The following SSR2 variants were observed in gnomAD, a reference collection of about 807,000 sequenced individuals.
SSR2 encodes the protein signal sequence receptor subunit 2.
Under a neutral mutation model 22.6 loss-of-function variants are expected in SSR2, and 16 were observed. That is an observed-to-expected ratio of 0.71 (90% CI 0.48 to 1.08). SSR2 has a LOEUF of 1.08. SSR2 is among the 50% of genes least tolerant of loss of function. The probability of loss-of-function intolerance (pLI) is 0.00; values close to 1 mark genes in which losing one functional copy is unlikely to be tolerated. For missense variants in SSR2, 171 were observed against 221.6 expected, an observed-to-expected ratio of 0.77 and a Z score of 1.45; for synonymous variants, 83 against 91.2, an observed-to-expected ratio of 0.91 and a Z score of 0.51.
intron 4 of SSR2, 105 bp downstream of exon 4, chr1:156,014,856 T>C: frequency 1.1e-6 from 1 of 905,438 alleles, no homozygotes; most frequent in South Asian, 1.5e-5. Flanking sequence ...TGTATTTTGG[T>C]ATCTATTAAT....
At chr1:156,018,611 G>A (rs925870871) in intron 2 of SSR2, among the ~76,000 whole-genome samples, 1 of 151,926 alleles carries the variant, frequency 6.6e-6, no homozygotes, top group Non-Finnish European at 1.5e-5. Flanking sequence ...GGGAGGCTGA[G>A]GCAGGAGAAC....
intron 3 of SSR2, among the ~76,000 whole-genome samples, chr1:156,017,746 T>G (rs1288694012): frequency 1.8e-5 from 2 of 113,420 alleles, no homozygotes; most frequent in African/African-American, 6.6e-5. Context: ...CAGGTTTTTT[T>G]TTTTTTTTTT....
At position 156,009,243 on chromosome 1, in the gene SSR2, G is replaced by A. The variant is rs576804267; in HGVS notation, c.*297C>T. The A allele has an allele frequency of 1.3e-5, 4 of 306,264 alleles. No homozygotes were observed. The highest frequency in any genetic ancestry group is 4.5e-5 in the African/African-American group (2 of 44,436). The allele number at this position is 306,264 out of a possible 1,614,324, so 19.0% of individuals were successfully genotyped here. ...CTCCTAGACCCCTGAGAGAATTCACGTTGCCAGCAATAAACCAACAGCACC... is the reference window on the plus strand; with the variant it reads ...CTCCTAGACCCCTGAGAGAATTCACATTGCCAGCAATAAACCAACAGCACC... On this transcript the variant is annotated 3_prime_UTR_variant, in exon 6 of 6. Transcript: ENST00000295702.
At chr1:156,015,275 G>A (rs1683034752) in intron 3 of SSR2, among the ~76,000 whole-genome samples, 1 of 151,828 alleles carries the variant, frequency 6.6e-6, no homozygotes, top group Non-Finnish European at 1.5e-5. Context: ...GGAGGCCGAG[G>A]CGGGTGGATT....
At chr1:156,010,686 G>C (rs192730302) in intron 5 of SSR2, 3 of 152,374 alleles carry the variant, frequency 2.0e-5, no homozygotes, top group African/African-American at 7.2e-5. Flanking sequence ...TGAGAATGGA[G>C]ATGCCCTGGT....
chr1:156,011,613 G>A (rs951597312), intron 5 of SSR2, 197 bp downstream of exon 5: 6 of 456,422 alleles, frequency 1.3e-5, no homozygotes, highest in African/African-American at 9.7e-5. Flanking sequence ...TATGGTTTTG[G>A]CAATTGTGAT....
chr1:156,016,121 A>AGACAAGAGC (rs1482197238), intron 3 of SSR2, among the ~76,000 whole-genome samples: 1 of 152,206 alleles, frequency 6.6e-6, no homozygotes, highest in African/African-American at 2.4e-5. Context: ...ATTGCACTCA[A>AGACAAGAGC]GACAAGAGCG....
chr1:156,014,854 G>T, intron 4 of SSR2, 107 bp downstream of exon 4: 2 of 892,322 alleles, frequency 2.2e-6, no homozygotes, highest in Non-Finnish European at 3.6e-6. Flanking sequence ...ACTGTATTTT[G>T]GTATCTATTA....
rs1682951579 is a variant in SSR2, at chr1:156,009,562, G to A, written c.530C>T (p.Thr177Ile). The A allele has an allele frequency of 3.7e-6, 6 of 1,613,312 alleles. No homozygotes were observed. Among genetic ancestry groups the A allele is most frequent in the Non-Finnish European group, 4.2e-6 (5 of 1,179,704 alleles). ...LWYSSKRKYDTPKTKKN is the reference protein window; with the variant it reads ...LWYSSKRKYDIPKTKKN ...CAATCAGTTCTTCTTCGTTTTGGGAGTGTCATATTTCCTCTTGCTGGAGTA... is the reference window on the plus strand; with the variant it reads ...CAATCAGTTCTTCTTCGTTTTGGGAATGTCATATTTCCTCTTGCTGGAGTA... The change falls in exon 6 of 6, where the codon ACT becomes ATT. Residue 177 changes from threonine to isoleucine, a missense_variant. Transcript: ENST00000295702.
At chr1:156,011,424 C>T (rs1346477904) in intron 5 of SSR2, 1 of 161,022 alleles carries the variant, frequency 6.2e-6, no homozygotes, top group Non-Finnish European at 1.4e-5. Flanking sequence ...TTCAGTACTT[C>T]AGGCTCATCT....
At chr1:156,016,716 T>A (rs905594287) in intron 3 of SSR2, among the ~76,000 whole-genome samples, 1 of 152,298 alleles carries the variant, frequency 6.6e-6, no homozygotes, top group East Asian at 1.9e-4. Context: ...TCATGTGGAA[T>A]TGTAATCCCC....
intron 3 of SSR2, among the ~76,000 whole-genome samples, chr1:156,016,774 G>C (rs1683064561): frequency 1.3e-5 from 2 of 152,234 alleles, no homozygotes; most frequent in East Asian, 1.9e-4. Flanking sequence ...CATGGGGGCA[G>C]ATTTCTCCCT....
intron 2 of SSR2, chr1:156,019,191 G>C (rs893494620): frequency 1.8e-5 from 8 of 440,356 alleles, no homozygotes; most frequent in Non-Finnish European, 3.7e-5. Flanking sequence ...TTGCTCAGAA[G>C]CACCAAAATA....
intron 3 of SSR2, among the ~76,000 whole-genome samples, chr1:156,017,854 G>A (rs1683082698): frequency 7.3e-6 from 1 of 137,228 alleles, no homozygotes; most frequent in South Asian, 2.5e-4. Flanking sequence ...GGGTTCAAGT[G>A]ATTCTCCTGC....
At chr1:156,016,897 T>G (rs575914875) in intron 3 of SSR2, among the ~76,000 whole-genome samples, 1 of 152,316 alleles carries the variant, frequency 6.6e-6, no homozygotes, top group South Asian at 2.1e-4. Flanking sequence ...ATTTTCCCTT[T>G]GCCTTCTACC....
chr1:156,016,497 A>C (rs984441966), intron 3 of SSR2, among the ~76,000 whole-genome samples: 3 of 152,044 alleles, frequency 2.0e-5, no homozygotes, highest in Admixed American at 2.0e-4. Flanking sequence ...CGGCCTCCCA[A>C]AGTGCTGGGA....
intron 5 of SSR2, chr1:156,011,467 A>T (rs1001527171): frequency 5.8e-6 from 1 of 173,874 alleles, no homozygotes; most frequent in Non-Finnish European, 1.2e-5. Context: ...AGACCACAGT[A>T]AAGTTCCCAC....
Position 156,009,543 on chromosome 1 carries a change from G to C in SSR2, c.549C>G (p.Asn183Lys). 1 of 1,611,200 alleles carries C rather than the reference G, an allele frequency of 6.2e-7. No individual in the cohort carries two copies. Among genetic ancestry groups the C allele is most frequent in the Non-Finnish European group, 8.5e-7 (1 of 1,178,004 alleles). ...RKYDTPKTKK[N>K] ...AGGAGGGCTGTGGAAGCCCCAATCA[G>C]TTCTTCTTCGTTTTGGGAGTGTCAT... The change falls in exon 6 of 6, where the codon AAC (asparagine) becomes AAG (lysine). Residue 183 changes from asparagine (N) to lysine (K), a missense_variant. By Grantham distance (94) the Asn-to-Lys change is moderately conservative (BLOSUM62 0). Coordinates refer to ENST00000295702, the MANE Select transcript of SSR2 (RefSeq NM_003145.4).
rs1435587353 is a variant in SSR2, at chr1:156,009,640, G to A, written c.452C>T (p.Ala151Val). Reference sequence around the variant, plus strand: ...GGGAAGGGTCATGACCCCAAAGGCTGCCCAGTCCAGCTGTAAAGGAAAACA... The same window carrying A: ...GGGAAGGGTCATGACCCCAAAGGCTACCCAGTCCAGCTGTAAAGGAAAACA... ...RRFSPHFLDWAAFGVMTLPSI... is the reference protein window; with the variant it reads ...RRFSPHFLDWVAFGVMTLPSI... Residue 151 changes from alanine (A) to valine (V), a missense_variant, in exon 6 of 6, where the codon GCA becomes GTA. By Grantham distance (64) the Ala-to-Val change is moderately conservative (BLOSUM62 0). Coordinates refer to ENST00000295702, the MANE Select transcript of SSR2 (RefSeq NM_003145.4). 1 of 1,606,872 alleles carries A rather than the reference G, an allele frequency of 6.2e-7. No individual in the cohort carries two copies. The highest frequency in any genetic ancestry group is 8.5e-7 in the Non-Finnish European group (1 of 1,177,088).
Sources: gnomAD v4.1 joint callset for allele counts (sites outside exome capture counted in the v4.1 genomes callset) on GRCh38, gnomAD v4.1.1 for gene constraint, MANE v1.5 for transcripts, NCBI Gene and HGNC (gene_info 2026-07-23, HGNC 2026-07-21) for gene names.